The following ZNF536 variants were observed in gnomAD, a reference collection of about 807,000 sequenced individuals.
The protein encoded by ZNF536 is zinc finger protein 536.
Under a neutral mutation model 84.5 loss-of-function variants are expected in ZNF536, and 13 were observed. That is an observed-to-expected ratio of 0.15 (90% CI 0.10 to 0.24). The LOEUF is 0.24. Ranked by LOEUF, ZNF536 falls within the 10% of genes least tolerant of loss-of-function variation. ZNF536 has a pLI of 1.00. For synonymous variants in ZNF536, 811 were observed against 742.5 expected (o/e 1.09, Z -1.50); for missense variants, 1,536 against 1,747.5 (o/e 0.88, Z 2.16).
intron 2 of ZNF536, among the ~76,000 whole-genome samples, chr19:30,332,239 G>A (rs2047233984): frequency 6.6e-6 from 1 of 152,130 alleles, no homozygotes; most frequent in Admixed American, 6.5e-5. Context: ...AAGTCTTGTA[G>A]GATCTTCCTC....
At chr19:30,453,338 G>C (rs1339189223) in intron 2 of ZNF536, among the ~76,000 whole-genome samples, 3 of 152,222 alleles carry the variant, frequency 2.0e-5, no homozygotes, top group Non-Finnish European at 4.4e-5. Context: ...GCTCTTTGCT[G>C]TCTGTGGGGC....
intron 1 of ZNF536, among the ~76,000 whole-genome samples, chr19:30,690,663 C>A (rs1359632053): frequency 6.6e-6 from 1 of 152,064 alleles, no homozygotes; most frequent in Non-Finnish European, 1.5e-5. Flanking sequence ...GGAGCCAGAC[C>A]ACTTGGTTTC....
At chr19:30,293,583 A>G (rs2045909145) in intron 2 of ZNF536, among the ~76,000 whole-genome samples, 1 of 152,286 alleles carries the variant, frequency 6.6e-6, no homozygotes, top group South Asian at 2.1e-4. Flanking sequence ...CTGCAGTGTG[A>G]GGCACAACAG....
upstream of ZNF536, among the ~76,000 whole-genome samples, chr19:30,369,686 T>C (rs944533695): frequency 6.6e-6 from 1 of 152,250 alleles, no homozygotes; most frequent in Non-Finnish European, 1.5e-5. Flanking sequence ...TGAAAATACA[T>C]GTGTGCATAA....
intron 1 of ZNF536, among the ~76,000 whole-genome samples, chr19:30,577,857 G>A (rs2046792937): frequency 6.6e-6 from 1 of 152,160 alleles, no homozygotes; most frequent in Non-Finnish European, 1.5e-5. Flanking sequence ...CTTTTCAAAT[G>A]CACTACTTTT....
chr19:30,393,387 C>A (rs2049680804), intron 1 of ZNF536, among the ~76,000 whole-genome samples: 1 of 152,138 alleles, frequency 6.6e-6, no homozygotes, highest in African/African-American at 2.4e-5. Context: ...TCACTCATTC[C>A]AAAGAGTTTA....
At chr19:30,315,332 C>CGAAGGCTTCCTGGAGGAGGCAGTCAGG (rs1568325956) in intron 2 of ZNF536, among the ~76,000 whole-genome samples, 1 of 152,102 alleles carries the variant, frequency 6.6e-6, no homozygotes, top group African/African-American at 2.4e-5. Flanking sequence ...AGTAGGGAGG[C>CGAAGGCTTCCTGGAGGAGGCAGTCAGG]GAAGGCTTCC....
intron 1 of ZNF536, among the ~76,000 whole-genome samples, chr19:30,708,041 A>G (rs2052314661): frequency 2.6e-5 from 4 of 151,860 alleles, no homozygotes; most frequent in Admixed American, 6.6e-5. Context: ...CCAAAAATGT[A>G]TAATTCCTTA....
chr19:30,365,446 G>A (rs1300556861), intron 3 of ZNF536, among the ~76,000 whole-genome samples: 3 of 152,230 alleles, frequency 2.0e-5, no homozygotes, highest in African/African-American at 7.2e-5. Flanking sequence ...AGCCATTGCA[G>A]TTCTTTCTAG....
chr19:30,477,599 C>T (rs1330360524), intron 2 of ZNF536, among the ~76,000 whole-genome samples: 1 of 152,164 alleles, frequency 6.6e-6, no homozygotes, highest in Non-Finnish European at 1.5e-5. Context: ...ACTTTTTAGA[C>T]AACCCAGTAA....
chr19:30,710,359 T>C (rs1027834992), intron 1 of ZNF536, among the ~76,000 whole-genome samples: 1 of 152,204 alleles, frequency 6.6e-6, no homozygotes, highest in African/African-American at 2.4e-5. Context: ...CTAGGCAACA[T>C]AGCGAGATCC....
chr19:30,683,665 T>C (rs1172739434), intron 1 of ZNF536, among the ~76,000 whole-genome samples: 1 of 152,184 alleles, frequency 6.6e-6, no homozygotes, highest in Non-Finnish European at 1.5e-5. Flanking sequence ...AATTGCTCAC[T>C]AAATATCTTT....
intron 1 of ZNF536, among the ~76,000 whole-genome samples, chr19:30,591,537 C>A (rs1255605023): frequency 6.6e-6 from 1 of 152,094 alleles, no homozygotes; most frequent in Non-Finnish European, 1.5e-5. Context: ...GGGAAATTGC[C>A]CCCACGATTC....
At chr19:30,673,504 G>A (rs1488981806) in intron 1 of ZNF536, among the ~76,000 whole-genome samples, 2 of 152,176 alleles carry the variant, frequency 1.3e-5, no homozygotes, top group African/African-American at 4.8e-5. Flanking sequence ...CCCGCCCTGT[G>A]CCTGCCACGG....
intron 1 of ZNF536, among the ~76,000 whole-genome samples, chr19:30,686,108 C>A (rs542796363): frequency 6.6e-6 from 1 of 152,192 alleles, no homozygotes; most frequent in Non-Finnish European, 1.5e-5. Context: ...CTCACGTTCT[C>A]AGCTTCTGCA....
chr19:30,368,183 A>G (rs1326559371), upstream of ZNF536, among the ~76,000 whole-genome samples: 2 of 152,252 alleles, frequency 1.3e-5, no homozygotes, highest in African/African-American at 2.4e-5. Flanking sequence ...CATGGAGGGC[A>G]GAGCTGGCTG....
intron 2 of ZNF536, among the ~76,000 whole-genome samples, chr19:30,479,578 A>G (rs2053988114): frequency 6.6e-6 from 1 of 152,240 alleles, no homozygotes; most frequent in African/African-American, 2.4e-5. Context: ...CTGGTGGGTC[A>G]GGGTGCTGTG....
intron 1 of ZNF536, among the ~76,000 whole-genome samples, chr19:30,431,404 C>T (rs1026544411): frequency 6.6e-6 from 1 of 152,264 alleles, no homozygotes; most frequent in African/African-American, 2.4e-5. Flanking sequence ...GCAGGGGACC[C>T]GATGGAGTGC....
intron 1 of ZNF536, among the ~76,000 whole-genome samples, chr19:30,642,034 A>T (rs2195955): frequency 0.45 from 67,920 of 151,886 alleles, 15,629 homozygotes; most frequent in Non-Finnish European, 0.51. Flanking sequence ...TTGCGGGACC[A>T]CCTCCCTCTG....
Sources: allele counts gnomAD v4.1 joint callset (sites outside exome capture counted in the v4.1 genomes callset), GRCh38; gene constraint gnomAD v4.1.1; transcripts MANE v1.5; gene names NCBI Gene and HGNC (gene_info 2026-07-23, HGNC 2026-07-21).